The following NAALADL2 variants were observed in gnomAD, a reference collection of about 807,000 sequenced individuals.
NAALADL2 encodes N-acetylated alpha-linked acidic dipeptidase like 2.
In NAALADL2, 76 loss-of-function variants were observed where a neutral mutation model predicts 87.2. The observed-to-expected ratio is 0.87, with a 90% CI of 0.72 to 1.05. NAALADL2 has a LOEUF of 1.05. Among genes scored for constraint, NAALADL2 ranks in the 50% least tolerant of loss-of-function variants. The probability of loss-of-function intolerance (pLI) is 0.00; values close to 1 mark genes in which losing one functional copy is unlikely to be tolerated. For missense variants in NAALADL2, 1,089 were observed against 945.8 expected, an observed-to-expected ratio of 1.15 and a Z score of -1.99; for synonymous variants, 354 against 331.0, an observed-to-expected ratio of 1.07 and a Z score of -0.75.
chr3:175,043,411 G>A (rs115470208), intron 1 of NAALADL2, among the ~76,000 whole-genome samples: 3,470 of 151,976 alleles, frequency 0.023, 55 homozygotes, highest in Non-Finnish European at 0.034. Context: ...GCTAAATTTC[G>A]TATTTTTAGT....
intron 1 of NAALADL2, among the ~76,000 whole-genome samples, chr3:174,464,416 T>G (rs2108297595): frequency 6.6e-6 from 1 of 151,742 alleles, no homozygotes; most frequent in East Asian, 1.9e-4. Flanking sequence ...CCTAATTTGT[T>G]AATAGTAACT....
intron 2 of NAALADL2, among the ~76,000 whole-genome samples, chr3:174,613,491 G>T (rs1333676341): frequency 6.6e-6 from 1 of 152,180 alleles, no homozygotes; most frequent in Non-Finnish European, 1.5e-5. Flanking sequence ...GGCACTCAGA[G>T]TACAAGATGC....
At chr3:175,563,821 T>A (rs1012259894) in intron 9 of NAALADL2, among the ~76,000 whole-genome samples, 5 of 152,110 alleles carry the variant, frequency 3.3e-5, no homozygotes, top group African/African-American at 1.2e-4. Flanking sequence ...CCTTCAAGGA[T>A]TAGCATTGGG....
chr3:175,396,843 TGAA>T (rs1292259572), intron 5 of NAALADL2, among the ~76,000 whole-genome samples: 1 of 152,078 alleles, frequency 6.6e-6, no homozygotes, highest in Non-Finnish European at 1.5e-5. Flanking sequence ...TGCTGCCATG[TGAA>T]GAAGGACATG....
intron 2 of NAALADL2, among the ~76,000 whole-genome samples, chr3:175,151,843 T>C (rs1731594477): frequency 6.6e-6 from 1 of 152,172 alleles, no homozygotes; most frequent in African/African-American, 2.4e-5. Flanking sequence ...CAAAAAATTG[T>C]AAATGCTAAC....
intron 5 of NAALADL2, among the ~76,000 whole-genome samples, chr3:175,343,656 T>G (rs1392393053): frequency 1.0e-5 from 1 of 96,024 alleles, no homozygotes; most frequent in African/African-American, 7.3e-5. Flanking sequence ...CTTGATCATG[T>G]TTTTTTTTTT....
At chr3:175,607,772 T>C (rs1242436276) in intron 10 of NAALADL2, among the ~76,000 whole-genome samples, 2 of 152,046 alleles carry the variant, frequency 1.3e-5, no homozygotes, top group Non-Finnish European at 2.9e-5. Context: ...TTAAGATCAA[T>C]CTTATTATTC....
chr3:175,224,006 T>A (rs1465373298), intron 2 of NAALADL2, among the ~76,000 whole-genome samples: 1 of 152,160 alleles, frequency 6.6e-6, no homozygotes, highest in African/African-American at 2.4e-5. Flanking sequence ...ACAATTACAA[T>A]GTTGAAACTA....
At chr3:174,826,874 A>G (rs774572270) in intron 3 of NAALADL2, among the ~76,000 whole-genome samples, 6 of 152,170 alleles carry the variant, frequency 3.9e-5, no homozygotes, top group Admixed American at 6.5e-5. Context: ...TAGAATAATT[A>G]TCCTTAATAA....
intron 1 of NAALADL2, among the ~76,000 whole-genome samples, chr3:174,981,513 G>A (rs1745108280): frequency 6.6e-6 from 1 of 152,082 alleles, no homozygotes; most frequent in South Asian, 2.1e-4. Context: ...CCAAAAGGTG[G>A]TACTTGGTTC....
chr3:175,642,129 A>G (rs986948910), intron 11 of NAALADL2, among the ~76,000 whole-genome samples: 23 of 152,138 alleles, frequency 1.5e-4, no homozygotes, highest in African/African-American at 5.6e-4. Context: ...AGGGATAACT[A>G]TGTGTTTAGT....
chr3:175,689,036 G>GT (rs1436280834), intron 11 of NAALADL2, among the ~76,000 whole-genome samples: 11 of 152,112 alleles, frequency 7.2e-5, no homozygotes, highest in Admixed American at 1.3e-4. Context: ...ATCACACGTA[G>GT]TTTTTTTGTG....
chr3:175,796,576 T>A (rs773921858), intron 13 of NAALADL2, among the ~76,000 whole-genome samples: 1 of 152,208 alleles, frequency 6.6e-6, no homozygotes, highest in Non-Finnish European at 1.5e-5. Flanking sequence ...AGTAAAATAA[T>A]CTCCTCTAAT....
At chr3:175,170,905 A>G (rs1734708994) in intron 2 of NAALADL2, among the ~76,000 whole-genome samples, 2 of 151,844 alleles carry the variant, frequency 1.3e-5, no homozygotes. Context: ...CATATATAAG[A>G]GATTAAAAGG....
intron 10 of NAALADL2, among the ~76,000 whole-genome samples, chr3:175,616,823 C>T (rs1725414104): frequency 6.6e-6 from 1 of 152,228 alleles, no homozygotes; most frequent in South Asian, 2.1e-4. Flanking sequence ...AAGTTATTGC[C>T]CATGGCTTCT....
intron 9 of NAALADL2, among the ~76,000 whole-genome samples, chr3:175,572,962 T>G (rs1275069956): frequency 6.6e-6 from 1 of 151,972 alleles, no homozygotes; most frequent in Admixed American, 6.6e-5. Flanking sequence ...GTTAGAAAGG[T>G]GCATATGTAA....
At chr3:174,913,191 C>T (rs571904207) in intron 1 of NAALADL2, among the ~76,000 whole-genome samples, 4 of 152,140 alleles carry the variant, frequency 2.6e-5, no homozygotes, top group South Asian at 2.1e-4. Flanking sequence ...AAATTATTTT[C>T]GACTTGTCTT....
chr3:175,507,105 G>GAA (rs759081720), intron 9 of NAALADL2, among the ~76,000 whole-genome samples: 8 of 139,068 alleles, frequency 5.8e-5, no homozygotes, highest in Admixed American at 2.2e-4. Flanking sequence ...CTACCCTTAG[G>GAA]AAAAAAAAAA....
intron 5 of NAALADL2, among the ~76,000 whole-genome samples, chr3:175,357,296 T>G (rs1764490524): frequency 6.6e-6 from 1 of 152,152 alleles, no homozygotes; most frequent in African/African-American, 2.4e-5. Flanking sequence ...TATTTAGGCT[T>G]GACTCATCTT....
Sources: allele counts gnomAD v4.1 joint callset (sites outside exome capture counted in the v4.1 genomes callset), GRCh38; gene constraint gnomAD v4.1.1; transcripts MANE v1.5; gene names NCBI Gene and HGNC (gene_info 2026-07-23, HGNC 2026-07-21).